The following ACSL6 variants were observed in gnomAD, a reference collection of about 807,000 sequenced individuals.
The protein encoded by ACSL6 is long-chain-fatty-acid--CoA ligase 6.
ACSL6 carries 47 observed loss-of-function variants against 98.2 expected under a neutral mutation model. The observed-to-expected ratio is 0.48, with a 90% confidence interval of 0.38 to 0.61. The LOEUF is 0.61. ACSL6 is among the 20% of genes least tolerant of loss of function. ACSL6 has a pLI of 0.00. For missense variants in ACSL6, 761 were observed against 913.4 expected, an observed-to-expected ratio of 0.83 and a Z score of 2.15; for synonymous variants, 362 against 336.9, an observed-to-expected ratio of 1.07 and a Z score of -0.82.
At chr5:131,997,570 G>A (rs1320250546) in intron 1 of ACSL6, among the ~76,000 whole-genome samples, 1 of 152,192 alleles carries the variant, frequency 6.6e-6, no homozygotes, top group Non-Finnish European at 1.5e-5. Flanking sequence ...CAGCCAGTTG[G>A]GCCAGTCATT....
rs368805605 is a variant in ACSL6, at chr5:131,990,949, G to A, written c.289C>T (p.Arg97Ter). Reference sequence around the variant, plus strand: ...TGAGGGCCAGACCCAATCACAGATCGCCGTGCCCCGCCACTGTCCTACAAG... The same window carrying A: ...TGAGGGCCAGACCCAATCACAGATCACCGTGCCCCGCCACTGTCCTACAAG... The part of the protein sequence containing the change: ...EEVEDSGGAR[R>*]SVIGSGPQLL... Residue 97 changes from arginine to a stop codon, truncating the protein, a stop_gained, in exon 3 of 21, where the codon CGA becomes TGA. Transcript: ENST00000651883. LOFTEE classifies it high-confidence loss of function. 9 of 1,609,848 alleles carry A rather than the reference G, an allele frequency of 5.6e-6. No individual in the cohort carries two copies. The highest frequency in any genetic ancestry group is 4.4e-5 in the South Asian group (4 of 91,014).
At chr5:131,959,386 G>T in intron 20 of ACSL6, 150 bp downstream of exon 20, 2 of 763,838 alleles carry the variant, frequency 2.6e-6, no homozygotes, top group Admixed American at 2.7e-5. Context: ...GAGGCAGCTT[G>T]GAACAGGCCT....
At chr5:131,961,959 C>G (rs1285885695) in intron 18 of ACSL6, among the ~76,000 whole-genome samples, 1 of 151,790 alleles carries the variant, frequency 6.6e-6, no homozygotes, top group Non-Finnish European at 1.5e-5. Flanking sequence ...GAGAATCACT[C>G]GAGCTCAGGA....
chr5:131,998,284 G>A (rs1326848371), intron 1 of ACSL6, among the ~76,000 whole-genome samples: 4 of 152,172 alleles, frequency 2.6e-5, no homozygotes, highest in Admixed American at 2.6e-4. Flanking sequence ...CCTGGCAGGA[G>A]GACTCAGGCA....
intron 18 of ACSL6, among the ~76,000 whole-genome samples, chr5:131,961,178 C>T (rs1324811891): frequency 6.6e-6 from 1 of 151,944 alleles, no homozygotes; most frequent in Non-Finnish European, 1.5e-5. Context: ...GTGCATGCCA[C>T]CACATGTAGC....
rs1406184665 is a variant in ACSL6, at chr5:131,951,483, AACCC to A, written c.*2747_*2750del. The stretch of plus-strand genomic sequence containing the variant: ...TTACTTTTCTCAGCACATCTGAACT[AACCC>A]ATTTATTGGCCCAAGTGTGATGATT... On this transcript the variant is annotated 3_prime_UTR_variant, in exon 21 of 21. Transcript: ENST00000651883. 1 of 203,822 alleles carries A rather than the reference AACCC, an allele frequency of 4.9e-6. No homozygotes were observed. The highest frequency in any genetic ancestry group is 2.3e-5 in the African/African-American group (1 of 43,696). 12.6% of individuals were successfully genotyped at this position (203,822 alleles called of 1,614,324 possible). A position where few individuals can be genotyped will look rare whatever the true frequency, so the allele number is the denominator to read the frequency against.
intron 10 of ACSL6, chr5:131,976,111 G>T: frequency 1.0e-6 from 1 of 985,436 alleles, no homozygotes; most frequent in Non-Finnish European, 1.2e-6. Flanking sequence ...GTCCTCCTTT[G>T]TTAGCCAGTT....
At chr5:132,009,907 C>T (rs1755619061) in intron 1 of ACSL6, among the ~76,000 whole-genome samples, 1 of 152,144 alleles carries the variant, frequency 6.6e-6, no homozygotes, top group Non-Finnish European at 1.5e-5. Context: ...ATCAAGTCTT[C>T]AGAGAGCTGA....
At chr5:131,989,796 G>A (rs537720369) in intron 4 of ACSL6, among the ~76,000 whole-genome samples, 15 of 152,158 alleles carry the variant, frequency 9.9e-5, no homozygotes, top group South Asian at 4.1e-4. Flanking sequence ...GTTTCACTGC[G>A]TTGCCCAGGC....
upstream of ACSL6, chr5:132,011,714 G>A: frequency 3.9e-6 from 5 of 1,272,310 alleles, no homozygotes; most frequent in Non-Finnish European, 5.0e-6. The surrounding 1 kb of genome is among the most constrained non-coding windows in gnomAD (Gnocchi z 5.4). Flanking sequence ...TCCCCGCGCC[G>A]CTGCGGAGAC....
At chr5:131,985,732 T>C (rs1754142788) in intron 8 of ACSL6, among the ~76,000 whole-genome samples, 2 of 152,230 alleles carry the variant, frequency 1.3e-5, no homozygotes, top group Admixed American at 1.3e-4. Context: ...CCTCCCCTAC[T>C]TGAGCCTGGG....
chr5:132,009,642 G>A (rs1390100471), intron 1 of ACSL6, among the ~76,000 whole-genome samples: 1 of 152,230 alleles, frequency 6.6e-6, no homozygotes, highest in African/African-American at 2.4e-5. Flanking sequence ...CCCAAGAATC[G>A]CTCCTGCTTG....
rs977067166 is a variant in ACSL6, at chr5:131,962,797, T to C, written c.1714-119A>G. ...CTGCAGACCCCACCCCGATTTCTTT[T>C]CCATCTGTTGTGTCTGCTCTTAGGG... On this transcript the variant is annotated intron_variant, in intron 17 of 20. Coordinates refer to ENST00000651883, the MANE Select transcript of ACSL6 (RefSeq NM_001009185.3). 1.3e-5 allele frequency: 15 copies of C among 1,193,344 alleles called. No individual in the cohort carries two copies. In the African/African-American group the frequency reaches 2.3e-4, roughly 18 times the overall value. 73.9% of individuals were successfully genotyped at this position (1,193,344 alleles called of 1,614,324 possible).
chr5:131,962,622 T>C lies in ACSL6; in HGVS notation c.1770A>G (p.Gly590=). The change falls in exon 18 of 21, where the codon GGA becomes GGG. Residue 590 remains glycine (G), a synonymous_variant. Transcript: ENST00000651883. ...RKKHIFKLAQ[G]EYVAPEKIEN... ...CAATCTTCTCGGGTGCAACATATTC[T>C]CCCTGAGCAAGTTTAAATATATGCT... is the stretch of plus-strand genomic sequence containing the variant. 1 of 1,614,136 alleles carries C rather than the reference T, an allele frequency of 6.2e-7. No individual in the cohort carries two copies. The highest frequency in any genetic ancestry group is 8.5e-7 in the Non-Finnish European group (1 of 1,179,994).
At position 131,990,081 on chromosome 5, in the gene ACSL6, C is replaced by G. The variant is rs775598787; in HGVS notation, c.450+19G>C. 4 of 1,612,526 alleles carry G rather than the reference C, an allele frequency of 2.5e-6. No homozygotes were observed. The stretch of plus-strand genomic sequence containing the variant: ...ATCTGAATGGGTGGCCAGGGTGGGG[C>G]CTGTCCTGTATCACTCACCTCCTGG... On this transcript the variant is annotated intron_variant, in intron 4 of 20. Transcript: ENST00000651883.
At chr5:131,959,471 T>C in intron 20 of ACSL6, 65 bp downstream of exon 20, 1 of 1,524,618 alleles carries the variant, frequency 6.6e-7, no homozygotes, top group Non-Finnish European at 9.1e-7. Context: ...AGGGTCACCA[T>C]GGGTTAATTT....
intron 1 of ACSL6, among the ~76,000 whole-genome samples, chr5:131,995,115 C>T (rs1342587238): frequency 6.6e-6 from 1 of 152,184 alleles, no homozygotes; most frequent in Admixed American, 6.5e-5. Flanking sequence ...CAGGGAGCCA[C>T]CCTCACCCAC....
chr5:131,977,009 GCCTTATCCTCTC>G (rs1341231792), intron 9 of ACSL6, among the ~76,000 whole-genome samples: 1 of 152,236 alleles, frequency 6.6e-6, no homozygotes, highest in Non-Finnish European at 1.5e-5. Flanking sequence ...TGTGGTCTGT[GCCTTATCCTCTC>G]CCGTCTTCCT....
chr5:131,964,142 G>A (rs1213893440), intron 17 of ACSL6, among the ~76,000 whole-genome samples: 1 of 152,100 alleles, frequency 6.6e-6, no homozygotes, highest in East Asian at 1.9e-4. Flanking sequence ...CCAAAAAAAT[G>A]GGGAAAAAAC....
Sources: gnomAD v4.1 joint callset for allele counts (sites outside exome capture counted in the v4.1 genomes callset) on GRCh38, gnomAD v4.1.1 for gene constraint, Gnocchi (gnomAD v3.1) non-coding constraint, MANE v1.5 for transcripts, NCBI Gene and HGNC (gene_info 2026-07-23, HGNC 2026-07-21) for gene names.